The following DERL2 variants were observed in gnomAD, a reference collection of about 807,000 sequenced individuals.
The protein encoded by DERL2 is derlin 2, also known as derlin-2.
DERL2 carries 13 observed loss-of-function variants against 32.0 expected under a neutral mutation model. That is an observed-to-expected ratio of 0.41 (90% CI 0.26 to 0.65). The LOEUF (loss-of-function observed/expected upper bound fraction) is 0.65. Ranked by LOEUF, DERL2 falls within the 30% of genes least tolerant of loss-of-function variation. The probability of loss-of-function intolerance (pLI) is 0.35; values close to 1 mark genes in which losing one functional copy is unlikely to be tolerated. For synonymous variants in DERL2, 111 were observed against 104.7 expected, an observed-to-expected ratio of 1.06 and a Z score of -0.37; for missense variants, 208 against 296.3, an observed-to-expected ratio of 0.70 and a Z score of 2.19.
chr17:5,484,639 A>G (rs1424452453), intron 2 of DERL2, among the ~76,000 whole-genome samples: 1 of 152,250 alleles, frequency 6.6e-6, no homozygotes, highest in East Asian at 1.9e-4. Flanking sequence ...TTTGGTTAGT[A>G]TGATCTGATC....
intron 6 of DERL2, chr17:5,477,887 A>G (rs373047653): frequency 1.3e-5 from 2 of 152,182 alleles, no homozygotes; most frequent in African/African-American, 4.8e-5. Context: ...GGATCTGGGA[A>G]TAGCAACACT....
At chr17:5,486,005 A>C (rs749725487) in intron 1 of DERL2, 64 bp downstream of exon 1, 3 of 1,483,818 alleles carry the variant, frequency 2.0e-6, no homozygotes, top group Non-Finnish European at 2.8e-6. Flanking sequence ...CCCAAACCCC[A>C]GTTTCCTGAA....
At position 5,474,352 on chromosome 17, in the gene DERL2, A is replaced by G. The variant is rs3026151; in HGVS notation, c.*332T>C. 0.028 allele frequency: 5,204 copies of G among 186,640 alleles called. 89 individuals are homozygous for G. The highest frequency in any genetic ancestry group is 0.054 in the Middle Eastern group (24 of 444). The allele number at this position is 186,640 out of a possible 1,614,324, so 11.6% of individuals were successfully genotyped here. ...CCTCTCTGAAACTTCCATTTACACCATGGCCTCATCTATCAAGAAGAGGAA... is the reference window on the plus strand; with the variant it reads ...CCTCTCTGAAACTTCCATTTACACCGTGGCCTCATCTATCAAGAAGAGGAA... On this transcript the variant is annotated 3_prime_UTR_variant, in exon 7 of 7. Transcript: ENST00000158771. The surrounding 1 kb of genome is among the most constrained non-coding windows in gnomAD (Gnocchi z 4.3).
At chr17:5,480,338 A>T in intron 5 of DERL2, 49 bp downstream of exon 5, 1 of 1,549,568 alleles carries the variant, frequency 6.5e-7, no homozygotes, top group Non-Finnish European at 8.8e-7. Flanking sequence ...ATAGTAACAA[A>T]ATACTTTTAC....
At position 5,486,176 on chromosome 17, in the gene DERL2, C is replaced by T. The variant is rs761856532; in HGVS notation, c.-15G>A. The T allele has an allele frequency of 1.3e-6, 2 of 1,559,634 alleles. No individual in the cohort carries two copies. Among genetic ancestry groups the T allele is most frequent in the South Asian group, 1.2e-5 (1 of 85,562 alleles). ...TGGTACGCCATCTTCCCCACCGTCGCCTGCCCCACCCCCCACCCACCCCAT... is the reference window on the plus strand; with the variant it reads ...TGGTACGCCATCTTCCCCACCGTCGTCTGCCCCACCCCCCACCCACCCCAT... On this transcript the variant is annotated 5_prime_UTR_variant, in exon 1 of 7. Coordinates refer to ENST00000158771, the MANE Select transcript of DERL2 (RefSeq NM_016041.5).
intron 1 of DERL2, 57 bp downstream of exon 1, chr17:5,486,012 T>C (rs774804350): frequency 1.3e-6 from 2 of 1,528,430 alleles, no homozygotes; most frequent in Admixed American, 1.8e-5. Flanking sequence ...CCCAGTTTCC[T>C]GAAGACCCAG....
At chr17:5,479,178 C>T (rs1429824915) in intron 6 of DERL2, among the ~76,000 whole-genome samples, 4 of 152,090 alleles carry the variant, frequency 2.6e-5, no homozygotes, top group Non-Finnish European at 4.4e-5. Context: ...TGTTCACAGG[C>T]GCAATCATAG....
At position 5,481,450 on chromosome 17, in the gene DERL2, G is replaced by A. The variant is rs917563725; in HGVS notation, c.234-61C>T. The stretch of plus-strand genomic sequence containing the variant: ...AATATGAACAAAGTAAAAATTTAAT[G>A]TTATCTTGTAAGTACACTTGGATTC... On this transcript the variant is annotated intron_variant, in intron 3 of 6. Coordinates refer to ENST00000158771, the MANE Select transcript of DERL2 (RefSeq NM_016041.5). The surrounding 1 kb of genome is among the most constrained non-coding windows in gnomAD (Gnocchi z 4.4). The A allele has an allele frequency of 1.7e-6, 2 of 1,180,742 alleles. No homozygotes were observed. Among genetic ancestry groups the A allele is most frequent in the Non-Finnish European group, 2.5e-6 (2 of 793,586 alleles). The allele number at this position is 1,180,742 out of a possible 1,614,324, so 73.1% of individuals were successfully genotyped here.
intron 2 of DERL2, among the ~76,000 whole-genome samples, chr17:5,483,753 G>T (rs181977225): frequency 4.6e-5 from 7 of 152,298 alleles, no homozygotes; most frequent in Admixed American, 3.3e-4. Context: ...GGCAAATCTA[G>T]AACTCCTAAC....
chr17:5,477,920 G>A (rs1230178580), intron 6 of DERL2: 1 of 152,200 alleles, frequency 6.6e-6, no homozygotes, highest in Non-Finnish European at 1.5e-5. Context: ...AGCACATCTA[G>A]CACCCAGATC....
rs758269471 is a variant in DERL2, at chr17:5,481,043, TA to T, written c.327+252del. On this transcript the variant is annotated intron_variant, in intron 4 of 6. Coordinates refer to ENST00000158771, the MANE Select transcript of DERL2 (RefSeq NM_016041.5). This position sits in a 1 kb window ranked among gnomAD's most constrained non-coding sequence, Gnocchi z 4.4. ...AAGTAAATGTCTTACCAACTTAGTT[TA>T]AAAGTGAAGTACGCCAAGCAGTAAT... 19 of 556,456 alleles carry T rather than the reference TA, an allele frequency of 3.4e-5. No homozygotes were observed. Among genetic ancestry groups the T allele is most frequent in the Non-Finnish European group, 5.0e-5 (16 of 319,542 alleles). 34.5% of individuals were successfully genotyped at this position (556,456 alleles called of 1,614,324 possible).
In DERL2 at chr17:5,473,597, T is replaced by C. The variant is rs987332595; in HGVS notation, c.*1087A>G. 1 of 150,414 alleles carries C rather than the reference T, an allele frequency of 6.6e-6. No homozygotes were observed. The highest frequency in any genetic ancestry group is 2.4e-5 in the African/African-American group (1 of 40,856). 9.3% of individuals were successfully genotyped at this position (150,414 alleles called of 1,614,324 possible). A position where few individuals can be genotyped will look rare whatever the true frequency, so the allele number is the denominator to read the frequency against. On this transcript the variant is annotated 3_prime_UTR_variant, in exon 7 of 7. Coordinates refer to ENST00000158771, the MANE Select transcript of DERL2 (RefSeq NM_016041.5). ...CAAATCTAATGAAAATCTGAGACCC[T>C]GTCTCTATTTTTTTTTTTTAATTAA...
rs1905260796 is a variant in DERL2 at position 5,474,360 on chromosome 17, A to G, written c.*324T>C. ...AAACTTCCATTTACACCATGGCCTC[A>G]TCTATCAAGAAGAGGAAGAAAAGGC... is the stretch of plus-strand genomic sequence containing the variant. On this transcript the variant is annotated 3_prime_UTR_variant, in exon 7 of 7. Coordinates refer to ENST00000158771, the MANE Select transcript of DERL2 (RefSeq NM_016041.5). The surrounding 1 kb of genome is among the most constrained non-coding windows in gnomAD (Gnocchi z 4.3). 1 of 192,418 alleles carries G rather than the reference A, an allele frequency of 5.2e-6. No homozygotes were observed. The highest frequency in any genetic ancestry group is 1.0e-5 in the Non-Finnish European group (1 of 95,260). The allele number at this position is 192,418 out of a possible 1,614,324, so 11.9% of individuals were successfully genotyped here. A position where few individuals can be genotyped will look rare whatever the true frequency, so the allele number is the denominator to read the frequency against.
chr17:5,485,296 C>T lies in DERL2; in HGVS notation c.94-80G>A, dbSNP rs114826539. 570 of 962,944 alleles carry T rather than the reference C, an allele frequency of 5.9e-4. 2 individuals are homozygous for T. The African/African-American group carries it at 7.5e-3, about 13-fold the overall frequency. 59.6% of individuals were successfully genotyped at this position (962,944 alleles called of 1,614,324 possible). A position where few individuals can be genotyped will look rare whatever the true frequency, so the allele number is the denominator to read the frequency against. Reference sequence around the variant, plus strand: ...TACAACAAAGAATTAGTAGGTCTAGCAATTTCCAACTCTCGGTCACTTAGA... The same window carrying T: ...TACAACAAAGAATTAGTAGGTCTAGTAATTTCCAACTCTCGGTCACTTAGA... On this transcript the variant is annotated intron_variant, in intron 1 of 6. Transcript: ENST00000158771.
rs1052092636 is a variant in DERL2 at position 5,472,145 on chromosome 17, C to T, written c.*2539G>A. 2.0e-5 allele frequency: 3 copies of T among 152,128 alleles called. No individual in the cohort carries two copies. Among genetic ancestry groups the T allele is most frequent in the African/African-American group, 4.8e-5 (2 of 41,416 alleles). 9.4% of individuals were successfully genotyped at this position (152,128 alleles called of 1,614,324 possible). Reference sequence around the variant, plus strand: ...GTATGTCCATTTATTTTTAAATGAACGTATACCGTATTTCCATAACAAACA... The same window carrying T: ...GTATGTCCATTTATTTTTAAATGAATGTATACCGTATTTCCATAACAAACA... On this transcript the variant is annotated 3_prime_UTR_variant, in exon 7 of 7. Transcript: ENST00000158771.
rs530694783 is a variant in DERL2 at position 5,478,302 on chromosome 17, G to C, written c.614+1752C>G. ...AGGTGGGAGGATCACTTGAGCCCAG[G>C]GGCTTGAGTTAACAGTGTGCTATGA... On this transcript the variant is annotated intron_variant, in intron 6 of 6. Coordinates refer to ENST00000158771, the MANE Select transcript of DERL2 (RefSeq NM_016041.5). Among the ~76,000 whole-genome samples the C allele has an allele frequency of 2.6e-5, 4 of 152,280 alleles. No individual in the cohort carries two copies. In the East Asian group the frequency reaches 7.7e-4, roughly 29 times the overall value.
intron 6 of DERL2, among the ~76,000 whole-genome samples, chr17:5,477,546 T>C (rs1169673193): frequency 1.3e-5 from 2 of 152,242 alleles, no homozygotes; most frequent in Admixed American, 6.5e-5. Context: ...GAATTAAGTA[T>C]ACATATAATG....
chr17:5,475,435 T>C (rs1169070855), intron 6 of DERL2, among the ~76,000 whole-genome samples: 6 of 151,862 alleles, frequency 4.0e-5, no homozygotes, highest in Admixed American at 3.9e-4. Flanking sequence ...GATTTTTGTA[T>C]TTTTAGGAGG....
chr17:5,484,872 G>A (rs1906059361), intron 2 of DERL2, among the ~76,000 whole-genome samples: 1 of 152,186 alleles, frequency 6.6e-6, no homozygotes, highest in Non-Finnish European at 1.5e-5. Context: ...TCAAAACGAT[G>A]CAGGGAACTT....
Sources: gnomAD v4.1 joint callset for allele counts (sites outside exome capture counted in the v4.1 genomes callset) on GRCh38, gnomAD v4.1.1 for gene constraint, Gnocchi (gnomAD v3.1) non-coding constraint, MANE v1.5 for transcripts, NCBI Gene and HGNC (gene_info 2026-07-23, HGNC 2026-07-21) for gene names.